ADAMTS9: variants seen among roughly 807,000 people sequenced by gnomAD.
The protein encoded by ADAMTS9 is A disintegrin and metalloproteinase with thrombospondin motifs 9.
ADAMTS9 carries 107 observed loss-of-function variants against 257.1 expected under a neutral mutation model. The observed-to-expected ratio is 0.42, with a 90% confidence interval of 0.36 to 0.49. The LOEUF (loss-of-function observed/expected upper bound fraction) is 0.49, where lower values mean the gene tolerates loss of function less well. Among genes scored for constraint, ADAMTS9 ranks in the 20% least tolerant of loss-of-function variants. The pLI is 0.03. For missense variants in ADAMTS9, 2,353 were observed against 2,469.1 expected, an observed-to-expected ratio of 0.95 and a Z score of 1.00; for synonymous variants, 982 against 880.9, an observed-to-expected ratio of 1.11 and a Z score of -2.03.
At chr3:64,626,015 A>G (rs76925232) in intron 16 of ADAMTS9, among the ~76,000 whole-genome samples, 26 of 152,268 alleles carry the variant, frequency 1.7e-4, no homozygotes, top group Middle Eastern at 3.4e-3. Flanking sequence ...AAGGATACCA[A>G]TCTTTCCCAT....
intron 2 of ADAMTS9, among the ~76,000 whole-genome samples, chr3:64,682,815 A>G (rs138821538): frequency 8.7e-4 from 132 of 152,366 alleles, no homozygotes; most frequent in African/African-American, 2.8e-3. Flanking sequence ...ATTCTTACGC[A>G]TGATAAAGTA....
intron 28 of ADAMTS9, among the ~76,000 whole-genome samples, chr3:64,590,419 A>AT (rs2084239711): frequency 6.6e-6 from 1 of 152,186 alleles, no homozygotes; most frequent in Non-Finnish European, 1.5e-5. Flanking sequence ...ATAAACACTG[A>AT]TTTTTTAAAC....
intron 11 of ADAMTS9, 112 bp from the exon 12 acceptor site, chr3:64,642,105 A>G (rs1194156233): frequency 8.2e-7 from 1 of 1,224,714 alleles, no homozygotes; most frequent in East Asian, 2.4e-5. Context: ...GTGGGTTTGA[A>G]ATGCTGCAGG....
At chr3:64,619,804 G>T (rs1700060084) in intron 19 of ADAMTS9, among the ~76,000 whole-genome samples, 1 of 152,052 alleles carries the variant, frequency 6.6e-6, no homozygotes, top group African/African-American at 2.4e-5. Context: ...ATTTATTAAG[G>T]TTGTGCCTCA....
At position 64,542,159 on chromosome 3, in the gene ADAMTS9, G is replaced by T. The variant is rs11706020; in HGVS notation, c.5065-189C>A. 0.64 allele frequency among the ~76,000 whole-genome samples: 97,489 copies of T among 151,980 alleles called. 35,757 individuals are homozygous for T. The highest frequency in any genetic ancestry group is 0.85 in the Non-Finnish European group (57,784 of 68,004). On this transcript the variant is annotated intron_variant, in intron 32 of 39. Transcript: ENST00000498707. Reference sequence around the variant, plus strand: ...GCCAGTCCCTGTGGTAAGCTTTATAGATTCATGTTCATGCATTTATACAAA... The same window carrying T: ...GCCAGTCCCTGTGGTAAGCTTTATATATTCATGTTCATGCATTTATACAAA...
chr3:64,655,635 C>T lies in ADAMTS9; in HGVS notation c.1110G>A (p.Trp370Ter). 1 of 1,614,084 alleles carries T rather than the reference C, an allele frequency of 6.2e-7. No individual in the cohort carries two copies. Among genetic ancestry groups the T allele is most frequent in the Non-Finnish European group, 8.5e-7 (1 of 1,180,004 alleles). ...CACCTGGACTGTTCTTCGAATGCTG[C>T]CACTGGCAAAAGTTTTTTAATGTTG... The part of the protein sequence containing the change: ...AQTTLKNFCQ[W>*]QHSKNSPGGI... Residue 370 changes from tryptophan to a stop codon, truncating the protein, a stop_gained, in exon 6 of 40, where the codon TGG becomes TGA. Transcript: ENST00000498707. LOFTEE classifies it high-confidence loss of function.
chr3:64,599,581 C>T (rs573241154), intron 26 of ADAMTS9, among the ~76,000 whole-genome samples: 17 of 152,306 alleles, frequency 1.1e-4, no homozygotes, highest in Non-Finnish European at 4.4e-5. Flanking sequence ...AATTAAGACA[C>T]TCTGCCCTAT....
chr3:64,602,000 G>C lies in ADAMTS9; in HGVS notation c.3961C>G (p.Pro1321Ala), dbSNP rs529127947. 6.2e-7 allele frequency: 1 copy of C among 1,614,006 alleles called. No individual in the cohort carries two copies. Among genetic ancestry groups the C allele is most frequent in the African/African-American group, 1.3e-5 (1 of 75,046 alleles). ...NEDYRPRSAS[P>A]SRTHVLGGNQ... Reference sequence around the variant, plus strand: ...CCACCGAGCACATGGGTGCGGCTGGGGCTGGCGCTCCGGGGACGATAGTCC... The same window carrying C: ...CCACCGAGCACATGGGTGCGGCTGGCGCTGGCGCTCCGGGGACGATAGTCC... The change falls in exon 26 of 40, where the codon CCC becomes GCC. Residue 1321 changes from proline to alanine, a missense_variant. By Grantham distance (27) the Pro-to-Ala change is conservative. Coordinates refer to ENST00000498707, the MANE Select transcript of ADAMTS9 (RefSeq NM_182920.2).
chr3:64,643,454 T>C, intron 11 of ADAMTS9, among the ~76,000 whole-genome samples: 1 of 131,790 alleles, frequency 7.6e-6, no homozygotes, highest in African/African-American at 2.9e-5. Context: ...AATTTTTTTT[T>C]TTTTTTTTTT....
chr3:64,598,319 ATTTT>A (rs34859673), intron 26 of ADAMTS9, among the ~76,000 whole-genome samples: 3,599 of 136,306 alleles, frequency 0.026, 143 homozygotes, highest in African/African-American at 0.092. Context: ...TTCATTTCCT[ATTTT>A]TTTTTTTTTT....
intron 39 of ADAMTS9, among the ~76,000 whole-genome samples, chr3:64,521,170 CA>C (rs1199573459): frequency 6.6e-6 from 1 of 152,078 alleles, no homozygotes; most frequent in East Asian, 1.9e-4. Flanking sequence ...AGAAGACACA[CA>C]AGCAGCCAAC....
intron 2 of ADAMTS9, 104 bp from the exon 3 acceptor site, chr3:64,681,467 A>C: frequency 7.9e-7 from 1 of 1,258,990 alleles, no homozygotes; most frequent in Non-Finnish European, 1.1e-6. Context: ...ATTTTACCCA[A>C]TCTCTTTTTC....
chr3:64,568,806 T>C (rs2083605702), intron 28 of ADAMTS9: 1 of 350,684 alleles, frequency 2.9e-6, no homozygotes, highest in African/African-American at 2.2e-5. Context: ...GAGCCAAAAA[T>C]AAAGCTCATG....
intron 3 of ADAMTS9, among the ~76,000 whole-genome samples, chr3:64,679,330 C>T (rs138648202): frequency 1.3e-4 from 20 of 152,212 alleles, no homozygotes; most frequent in African/African-American, 3.1e-4. Context: ...AAATGGGTCA[C>T]GGAATAAGAC....
intron 12 of ADAMTS9, among the ~76,000 whole-genome samples, chr3:64,638,992 G>A (rs899915929): frequency 5.3e-5 from 8 of 152,140 alleles, no homozygotes; most frequent in African/African-American, 1.9e-4. Flanking sequence ...TATTCCCAGT[G>A]AGGGGGGCAG....
chr3:64,644,311 C>G (rs1700732219), intron 11 of ADAMTS9, among the ~76,000 whole-genome samples: 1 of 152,134 alleles, frequency 6.6e-6, no homozygotes, highest in African/African-American at 2.4e-5. Flanking sequence ...CACAAAGAGG[C>G]AGGAATGGTA....
At chr3:64,583,689 A>C (rs2084063222) in intron 28 of ADAMTS9, 1 of 152,152 alleles carries the variant, frequency 6.6e-6, no homozygotes, top group Non-Finnish European at 1.5e-5. Context: ...ATTGAGAACT[A>C]TTGAATTATA....
At chr3:64,581,267 A>T (rs1231135419) in intron 28 of ADAMTS9, among the ~76,000 whole-genome samples, 1 of 152,220 alleles carries the variant, frequency 6.6e-6, no homozygotes, top group Non-Finnish European at 1.5e-5. Context: ...GTTGGTAACT[A>T]CTGAAGTGGA....
intron 8 of ADAMTS9, among the ~76,000 whole-genome samples, chr3:64,651,521 T>C (rs1700931022): frequency 6.6e-6 from 1 of 152,096 alleles, no homozygotes; most frequent in South Asian, 2.1e-4. Flanking sequence ...AAAGGGCAAT[T>C]TATAGAGTCA....
Sources: allele counts gnomAD v4.1 joint callset (sites outside exome capture counted in the v4.1 genomes callset), GRCh38; gene constraint gnomAD v4.1.1; transcripts MANE v1.5; gene names NCBI Gene and HGNC (gene_info 2026-07-23, HGNC 2026-07-21).